The following CRYBG1 variants were observed in gnomAD, a reference collection of about 807,000 sequenced individuals.
CRYBG1 encodes the protein crystallin beta-gamma domain containing 1, also known as beta/gamma crystallin domain-containing protein 1.
Under a neutral mutation model 189.2 loss-of-function variants are expected in CRYBG1, and 139 were observed. The observed-to-expected ratio is 0.73, with a 90% confidence interval of 0.64 to 0.85. The LOEUF (loss-of-function observed/expected upper bound fraction) is 0.85. Among genes scored for constraint, CRYBG1 ranks in the 40% least tolerant of loss-of-function variants. The pLI is 0.00. For missense variants in CRYBG1, 2,611 were observed against 2,675.8 expected, an observed-to-expected ratio of 0.98 and a Z score of 0.53; for synonymous variants, 1,023 against 1,017.1, an observed-to-expected ratio of 1.01 and a Z score of -0.11.
At chr6:106,391,569 C>CTT (rs34830012) in intron 1 of CRYBG1, among the ~76,000 whole-genome samples, 34 of 149,386 alleles carry the variant, frequency 2.3e-4, no homozygotes, top group South Asian at 1.3e-3. Context: ...GACCATCAGT[C>CTT]TTTTTTTTTT....
intron 17 of CRYBG1, among the ~76,000 whole-genome samples, chr6:106,557,723 A>G (rs1196511686): frequency 6.6e-6 from 1 of 152,180 alleles, no homozygotes; most frequent in Non-Finnish European, 1.5e-5. Flanking sequence ...GTAAGCCACC[A>G]TGCCCGGCCT....
intron 2 of CRYBG1, among the ~76,000 whole-genome samples, chr6:106,469,446 C>A (rs1181168978): frequency 1.3e-5 from 2 of 152,316 alleles, no homozygotes; most frequent in Non-Finnish European, 2.9e-5. Context: ...ACTACTATGT[C>A]TGGCACATAT....
At chr6:106,419,409 G>A (rs1771085255) in intron 1 of CRYBG1, among the ~76,000 whole-genome samples, 1 of 152,166 alleles carries the variant, frequency 6.6e-6, no homozygotes, top group Non-Finnish European at 1.5e-5. Flanking sequence ...TTGAGACAGG[G>A]TCTCACTCTG....
At chr6:106,361,298 G>C (rs574057774) in intron 1 of CRYBG1, among the ~76,000 whole-genome samples, 138 of 152,350 alleles carry the variant, frequency 9.1e-4, no homozygotes, top group Non-Finnish European at 1.7e-3. Flanking sequence ...GCACCGGCGA[G>C]AGGAACTTGT....
Position 106,560,943 on chromosome 6 carries a change from C to T in CRYBG1, c.5979+17C>T. 5.7e-6 allele frequency: 9 copies of T among 1,576,908 alleles called. No homozygotes were observed. Among genetic ancestry groups the T allele is most frequent in the Non-Finnish European group, 7.7e-6 (9 of 1,163,506 alleles). ...TTTGTTCAGGTATTTTCTTCCTCTC[C>T]ATGCTCTGCATAGACTCTTCTCTGA... On this transcript the variant is annotated intron_variant, in intron 19 of 21. Transcript: ENST00000633556.
At chr6:106,436,582 C>A (rs1400955675) in intron 1 of CRYBG1, among the ~76,000 whole-genome samples, 1 of 110,676 alleles carries the variant, frequency 9.0e-6, no homozygotes, top group African/African-American at 4.8e-5. Flanking sequence ...CGTGAGCCAA[C>A]GCGCCCGGCC....
intron 1 of CRYBG1, among the ~76,000 whole-genome samples, chr6:106,402,638 A>G (rs1770743114): frequency 6.6e-6 from 1 of 150,962 alleles, no homozygotes; most frequent in Non-Finnish European, 1.5e-5. Flanking sequence ...ACCTTATACA[A>G]AAATCAATTC....
At chr6:106,516,011 A>G (rs1292283063) in intron 3 of CRYBG1, among the ~76,000 whole-genome samples, 1 of 151,686 alleles carries the variant, frequency 6.6e-6, no homozygotes, top group Non-Finnish European at 1.5e-5. Flanking sequence ...GGCTGGTCTC[A>G]AACTCCTGGG....
At chr6:106,514,514 T>C (rs1187717884) in intron 3 of CRYBG1, among the ~76,000 whole-genome samples, 3 of 152,194 alleles carry the variant, frequency 2.0e-5, no homozygotes, top group African/African-American at 7.2e-5. Context: ...ATATAGTCAG[T>C]GATTTATTCT....
At position 106,387,324 on chromosome 6, in the gene CRYBG1, G is replaced by T. The variant is rs537398109; in HGVS notation, c.173+26243G>T. ...ATTTGTGATACAAATACTGGGAGAA[G>T]TGAGGAGGGAAAAGGAAGCTGAGGA... On this transcript the variant is annotated intron_variant, in intron 1 of 21. Transcript: ENST00000633556. Among the ~76,000 whole-genome samples the T allele has an allele frequency of 1.6e-4, 25 of 152,292 alleles. No homozygotes were observed. In the South Asian group the frequency reaches 2.7e-3, roughly 16 times the overall value.
chr6:106,457,477 C>T (rs1771912333), intron 2 of CRYBG1, among the ~76,000 whole-genome samples: 2 of 152,188 alleles, frequency 1.3e-5, no homozygotes. Context: ...TAAATTTCCA[C>T]ATGAGTTTTG....
rs1181351071 is a variant in CRYBG1, at chr6:106,512,547, G to T, written c.1430G>T (p.Gly477Val). The T allele has an allele frequency of 6.2e-7, 1 of 1,607,914 alleles. No individual in the cohort carries two copies. The highest frequency in any genetic ancestry group is 8.5e-7 in the Non-Finnish European group (1 of 1,177,728). The change falls in exon 3 of 22, where the codon GGC becomes GTC. Residue 477 changes from glycine to valine, a missense_variant. Coordinates refer to ENST00000633556, the MANE Select transcript of CRYBG1 (RefSeq NM_001371242.2). The stretch of plus-strand genomic sequence containing the variant: ...TCTCCGCGGGCAGCCCTCGACGGGG[G>T]CGTTGCCTCCGCTGCGAGCCCAGAG... ...VKSPRAALDG[G>V]VASAASPESK...
chr6:106,482,790 T>A (rs1030840958), intron 2 of CRYBG1, among the ~76,000 whole-genome samples: 3 of 151,320 alleles, frequency 2.0e-5, no homozygotes, highest in Admixed American at 6.6e-5. Flanking sequence ...ATAATAATCA[T>A]AAAAAAGTAA....
rs1365440419 is a variant in CRYBG1 at position 106,511,539 on chromosome 6, C to T, written c.422C>T (p.Pro141Leu). Residue 141 changes from proline to leucine, a missense_variant, in exon 3 of 22, where the codon CCC (proline) becomes CTC (leucine). Physicochemically the swap from Pro to Leu is moderately conservative, Grantham distance 98. Transcript: ENST00000633556. ...AACAGTAGAAACGGGTTAGAGAGTC[C>T]CACCAGATCAAATGCCAAACCACTC... is the stretch of plus-strand genomic sequence containing the variant. The part of the protein sequence containing the change: ...RRNSRNGLES[P>L]TRSNAKPLSP... 7 of 1,535,608 alleles carry T rather than the reference C, an allele frequency of 4.6e-6. No individual in the cohort carries two copies. Among genetic ancestry groups the T allele is most frequent in the Admixed American group, 2.0e-5 (1 of 50,960 alleles).
At chr6:106,549,602 T>C (rs1258494490) in intron 13 of CRYBG1, among the ~76,000 whole-genome samples, 2 of 148,862 alleles carry the variant, frequency 1.3e-5, no homozygotes, top group African/African-American at 5.0e-5. Flanking sequence ...TAAATAAAAA[T>C]AAAAAAGAAC....
intron 21 of CRYBG1, among the ~76,000 whole-genome samples, chr6:106,564,624 C>A (rs1371591600): frequency 6.6e-6 from 1 of 152,150 alleles, no homozygotes; most frequent in Non-Finnish European, 1.5e-5. Context: ...CCTGATAATT[C>A]CTTTTCTAAC....
chr6:106,480,077 A>AT (rs1413825019), intron 2 of CRYBG1, among the ~76,000 whole-genome samples: 6 of 152,164 alleles, frequency 3.9e-5, no homozygotes, highest in Admixed American at 2.6e-4. Flanking sequence ...ATTTTGAGTT[A>AT]TTTTTTGTAT....
chr6:106,544,040 G>A (rs887556360), intron 11 of CRYBG1, among the ~76,000 whole-genome samples: 7 of 152,190 alleles, frequency 4.6e-5, no homozygotes, highest in East Asian at 1.9e-4. Context: ...CAACAAGAGC[G>A]AAACTCTGTC....
intron 1 of CRYBG1, among the ~76,000 whole-genome samples, chr6:106,396,542 G>A (rs1032748460): frequency 4.6e-5 from 7 of 152,146 alleles, no homozygotes; most frequent in East Asian, 1.9e-4. Flanking sequence ...AAACCAGCAC[G>A]TAAAATCTCT....
Sources: gnomAD v4.1 joint callset for allele counts (sites outside exome capture counted in the v4.1 genomes callset) on GRCh38, gnomAD v4.1.1 for gene constraint, MANE v1.5 for transcripts, NCBI Gene and HGNC (gene_info 2026-07-23, HGNC 2026-07-21) for gene names.